AKAP12: variants seen among roughly 807,000 people sequenced by gnomAD.
AKAP12 encodes the protein A-kinase anchoring protein 12.
AKAP12 carries 32 observed loss-of-function variants against 79.9 expected under a neutral mutation model. That is an observed-to-expected ratio of 0.40 (90% CI 0.30 to 0.54). The LOEUF is 0.54. AKAP12 is among the 20% of genes least tolerant of loss of function. AKAP12 has a pLI of 0.48. For synonymous variants in AKAP12, 808 were observed against 857.0 expected (o/e 0.94, Z 1.00); for missense variants, 2,074 against 2,177.0 (o/e 0.95, Z 0.94).
At chr6:151,321,804 G>C (rs762944699) in intron 3 of AKAP12, among the ~76,000 whole-genome samples, 1 of 151,630 alleles carries the variant, frequency 6.6e-6, no homozygotes, top group Non-Finnish European at 1.5e-5. Flanking sequence ...TCCCAATAGC[G>C]ATGTGTGAGG....
At chr6:151,314,979 TA>T (rs1322063818) in intron 3 of AKAP12, among the ~76,000 whole-genome samples, 1 of 149,990 alleles carries the variant, frequency 6.7e-6, no homozygotes, top group East Asian at 2.0e-4. Context: ...TTGAACCCGG[TA>T]GGCGAGGGTT....
rs1413963962 is a variant in AKAP12 at position 151,357,187 on chromosome 6, TG to T, written c.*1474del. ...TACATTGAGGGTTTGTTTTTTTGTT[TG>T]TTTGTTTGTTTGTTTTTGAGACAGA... is the stretch of plus-strand genomic sequence containing the variant. On this transcript the variant is annotated 3_prime_UTR_variant, in exon 5 of 5. Transcript: ENST00000402676. 1 of 154,192 alleles carries T rather than the reference TG, an allele frequency of 6.5e-6. No homozygotes were observed. The highest frequency in any genetic ancestry group is 1.4e-5 in the Non-Finnish European group (1 of 69,646). The allele number at this position is 154,192 out of a possible 1,614,324, so 9.6% of individuals were successfully genotyped here.
chr6:151,279,296 G>T (rs1015194455), intron 2 of AKAP12, among the ~76,000 whole-genome samples: 1 of 152,088 alleles, frequency 6.6e-6, no homozygotes, highest in Admixed American at 6.6e-5. Flanking sequence ...CTCTGGCATG[G>T]TTTCTAATCC....
At chr6:151,340,964 A>G (rs1282436139) in intron 3 of AKAP12, among the ~76,000 whole-genome samples, 3 of 152,096 alleles carry the variant, frequency 2.0e-5, no homozygotes, top group Non-Finnish European at 2.9e-5. Context: ...CTGTTCCATT[A>G]TCGAGGATAA....
chr6:151,358,179 A>G lies in AKAP12; in HGVS notation c.*2465A>G, dbSNP rs1464090265. ...TATGAAGTACATAATAATCTAATGT[A>G]AACTGCAGAAGTCAGAGCAAGTGCC... On this transcript the variant is annotated 3_prime_UTR_variant, in exon 5 of 5. Transcript: ENST00000402676. 8 of 152,250 alleles carry G rather than the reference A, an allele frequency of 5.3e-5. No individual in the cohort carries two copies. The highest frequency in any genetic ancestry group is 1.2e-4 in the Non-Finnish European group (8 of 68,036). 9.4% of individuals were successfully genotyped at this position (152,250 alleles called of 1,614,324 possible). A position where few individuals can be genotyped will look rare whatever the true frequency, so the allele number is the denominator to read the frequency against.
Position 151,263,512 on chromosome 6 carries a change from A to T in AKAP12, c.162+22788A>T, listed in dbSNP as rs1387658113. On this transcript the variant is annotated intron_variant, in intron 2 of 4. Transcript: ENST00000402676. The stretch of plus-strand genomic sequence containing the variant: ...AAACATCCATTCAACAGATAATAAT[A>T]AATTCCTTCTTCAGTTCACATTCTT... Among the ~76,000 whole-genome samples the T allele has an allele frequency of 2.6e-5, 4 of 152,154 alleles. No individual in the cohort carries two copies. The South Asian group carries it at 6.2e-4, about 24-fold the overall frequency.
Position 151,351,496 on chromosome 6 carries a change from A to G in AKAP12, c.3105A>G (p.Gln1035=). ...VEGGVPDIEE[Q]ERRTQEVLQA... is the part of the protein sequence containing the mutation. ...GTGGCGTACCTGACATAGAAGAGCA[A>G]GAGAGGCGGACTCAAGAGGTCCTCC... is the stretch of plus-strand genomic sequence containing the variant. The change falls in exon 4 of 5, where the codon CAA becomes CAG. Residue 1035 remains glutamine (Q), a synonymous_variant. Coordinates refer to ENST00000402676, the MANE Select transcript of AKAP12 (RefSeq NM_005100.4). This position sits in a 1 kb window ranked among gnomAD's most constrained non-coding sequence, Gnocchi z 4.4. 6.2e-7 allele frequency: 1 copy of G among 1,614,190 alleles called. No homozygotes were observed. The highest frequency in any genetic ancestry group is 8.5e-7 in the Non-Finnish European group (1 of 1,180,026).
intron 2 of AKAP12, among the ~76,000 whole-genome samples, chr6:151,275,611 A>G (rs927558250): frequency 2.0e-5 from 3 of 152,174 alleles, no homozygotes; most frequent in Non-Finnish European, 4.4e-5. Flanking sequence ...TTTTTTTATC[A>G]GAATACTTTA....
chr6:151,299,762 T>C (rs887568446), intron 2 of AKAP12, among the ~76,000 whole-genome samples: 107 of 152,140 alleles, frequency 7.0e-4, no homozygotes, highest in African/African-American at 2.5e-3. Context: ...AAGGGTTTTT[T>C]TTTTTTTTGC....
rs145363757 is a variant in AKAP12 at position 151,250,101 on chromosome 6, C to T, written c.162+9377C>T. Among the ~76,000 whole-genome samples the T allele has an allele frequency of 5.0e-4, 76 of 152,154 alleles. No homozygotes were observed. In the East Asian group the frequency reaches 0.011, roughly 22 times the overall value. On this transcript the variant is annotated intron_variant, in intron 2 of 4. Transcript: ENST00000402676. ...TGCTACAAAAAATTTAAAAATTAGC[C>T]GGGTGTGGTGGCACATGCCTGTAAT...
intron 2 of AKAP12, among the ~76,000 whole-genome samples, chr6:151,284,630 A>G (rs1450169549): frequency 1.3e-5 from 2 of 152,328 alleles, no homozygotes; most frequent in Non-Finnish European, 2.9e-5. Context: ...CCTGTCTCAA[A>G]CAAAACCGAA....
Position 151,351,591 on chromosome 6 carries a change from A to G in AKAP12, c.3200A>G (p.Gln1067Arg). 2 of 1,614,178 alleles carry G rather than the reference A, an allele frequency of 1.2e-6. No homozygotes were observed. Among genetic ancestry groups the G allele is most frequent in the Non-Finnish European group, 1.7e-6 (2 of 1,180,044 alleles). Residue 1067 changes from glutamine (Q) to arginine (R), a missense_variant, in exon 4 of 5, where the codon CAG (glutamine) becomes CGG (arginine). Around this residue, in one of 3 missense-constraint regions of AKAP12, gnomAD observed 1,428 missense variants for 1,451.0 expected, o/e 0.98. Transcript: ENST00000402676. The surrounding 1 kb of genome is among the most constrained non-coding windows in gnomAD (Gnocchi z 4.4). The part of the protein sequence containing the change: ...PGTGGPEDVL[Q>R]PVQRAEAERP... ...ACCGGTGGGCCAGAAGATGTGCTTC[A>G]GCCTGTGCAGAGAGCAGAGGCAGAA...
chr6:151,294,945 A>T (rs1207566082), intron 2 of AKAP12, among the ~76,000 whole-genome samples: 1 of 152,160 alleles, frequency 6.6e-6, no homozygotes, highest in African/African-American at 2.4e-5. Flanking sequence ...TTTCCTCCTT[A>T]GTGGTTCAGA....
chr6:151,282,379 G>T (rs1235438375), intron 2 of AKAP12, among the ~76,000 whole-genome samples: 1 of 152,148 alleles, frequency 6.6e-6, no homozygotes, highest in Non-Finnish European at 1.5e-5. Flanking sequence ...CAAAGTGCTG[G>T]GATTACAGGT....
At chr6:151,335,076 T>C (rs529704280) in intron 3 of AKAP12, among the ~76,000 whole-genome samples, 2 of 152,330 alleles carry the variant, frequency 1.3e-5, no homozygotes, top group East Asian at 3.9e-4. Flanking sequence ...GGGAATGTTT[T>C]TGACAAAGCG....
chr6:151,292,393 C>T (rs557568635), intron 2 of AKAP12, among the ~76,000 whole-genome samples: 2 of 152,262 alleles, frequency 1.3e-5, no homozygotes, highest in South Asian at 2.1e-4. Context: ...GGTTCAAAGG[C>T]AGTATAGCTA....
chr6:151,245,562 G>A (rs1312542504), intron 2 of AKAP12, among the ~76,000 whole-genome samples: 1 of 147,032 alleles, frequency 6.8e-6, no homozygotes, highest in Non-Finnish European at 1.5e-5. Context: ...GGAGAATGGC[G>A]TGAACCCGGG....
chr6:151,325,640 C>T lies in AKAP12; in HGVS notation c.319+19737C>T, dbSNP rs542132721. 25 of 1,387,098 alleles carry T rather than the reference C, an allele frequency of 1.8e-5. No homozygotes were observed. In the African/African-American group the frequency reaches 2.9e-4, roughly 16 times the overall value. 85.9% of individuals were successfully genotyped at this position (1,387,098 alleles called of 1,614,324 possible). A position where few individuals can be genotyped will look rare whatever the true frequency, so the allele number is the denominator to read the frequency against. On this transcript the variant is annotated intron_variant, in intron 3 of 4. Coordinates refer to ENST00000402676, the MANE Select transcript of AKAP12 (RefSeq NM_005100.4). The stretch of plus-strand genomic sequence containing the variant: ...CTGGGTGGGGGCGTGGGTGGGGGTC[C>T]GCCTATAATTATCTGGGGAAATGCA...
At chr6:151,290,153 C>T (rs1327175901) in intron 2 of AKAP12, among the ~76,000 whole-genome samples, 2 of 152,146 alleles carry the variant, frequency 1.3e-5, no homozygotes, top group Admixed American at 6.5e-5. Flanking sequence ...ATTCTGGCAC[C>T]TATTAATGCT....
Sources: gnomAD v4.1 joint callset for allele counts (sites outside exome capture counted in the v4.1 genomes callset) on GRCh38, gnomAD v4.1.1 for gene constraint, gnomAD v4.1.1 regional missense constraint, Gnocchi (gnomAD v3.1) non-coding constraint, MANE v1.5 for transcripts, NCBI Gene and HGNC (gene_info 2026-07-23, HGNC 2026-07-21) for gene names.